The following WDR64 variants were observed in gnomAD, a reference collection of about 807,000 sequenced individuals.
WDR64 encodes WD repeat domain 64.
WDR64 carries 112 observed loss-of-function variants against 139.3 expected under a neutral mutation model. The ratio of observed to expected loss-of-function variants is 0.80; its 90% CI spans 0.69 to 0.94. The LOEUF is 0.94. Ranked by LOEUF, WDR64 falls within the 40% of genes least tolerant of loss-of-function variation. The probability of loss-of-function intolerance (pLI) is 0.00; values close to 1 mark genes in which losing one functional copy is unlikely to be tolerated. For missense variants in WDR64, 1,206 were observed against 1,293.1 expected, an observed-to-expected ratio of 0.93 and a Z score of 1.03; for synonymous variants, 444 against 437.7, an observed-to-expected ratio of 1.01 and a Z score of -0.18.
chr1:241,716,876 G>T (rs866662552), intron 9 of WDR64, among the ~76,000 whole-genome samples: 3 of 152,128 alleles, frequency 2.0e-5, no homozygotes, highest in African/African-American at 7.2e-5. Flanking sequence ...AACGAATAAC[G>T]GACAAAGCCA....
chr1:241,785,385 G>A (rs537334441), intron 23 of WDR64, among the ~76,000 whole-genome samples: 1 of 152,266 alleles, frequency 6.6e-6, no homozygotes, highest in African/African-American at 2.4e-5. Flanking sequence ...CTTACATGGT[G>A]AAAGAGGCAA....
intron 27 of WDR64, 66 bp downstream of exon 27, chr1:241,796,436 A>T: frequency 4.6e-6 from 5 of 1,078,412 alleles, no homozygotes; most frequent in Admixed American, 2.1e-5. Context: ...TTGTTTTTTT[A>T]AAAATATGTC....
At position 241,693,208 on chromosome 1, in the gene WDR64, A is replaced by T. The variant is rs181030824; in HGVS notation, c.974+5613A>T. 3.5e-3 allele frequency among the ~76,000 whole-genome samples: 537 copies of T among 152,368 alleles called. 5 individuals carry two copies. The highest frequency in any genetic ancestry group is 0.012 in the African/African-American group (498 of 41,596). ...GGATACACAGACTCTGGTAATCCAGATGATGGAATATTAGTCAGTGCTAAA... is the reference window on the plus strand; with the variant it reads ...GGATACACAGACTCTGGTAATCCAGTTGATGGAATATTAGTCAGTGCTAAA... On this transcript the variant is annotated intron_variant, in intron 8 of 27. Coordinates refer to ENST00000437684, the MANE Select transcript of WDR64 (RefSeq NM_001367482.1).
intron 17 of WDR64, 44 bp downstream of exon 17, chr1:241,769,549 G>C (rs1324662794): frequency 6.7e-7 from 1 of 1,495,932 alleles, no homozygotes; most frequent in African/African-American, 1.4e-5. Flanking sequence ...CTGGGACTTA[G>C]GTGGCTGATA....
chr1:241,712,095 A>G (rs1322990629), intron 9 of WDR64, among the ~76,000 whole-genome samples: 1 of 152,172 alleles, frequency 6.6e-6, no homozygotes, highest in African/African-American at 2.4e-5. Context: ...CCTGTATTTT[A>G]CTAGAATTTG....
intron 2 of WDR64, among the ~76,000 whole-genome samples, chr1:241,663,905 A>G (rs1665928129): frequency 6.6e-6 from 1 of 152,244 alleles, no homozygotes; most frequent in Non-Finnish European, 1.5e-5. Flanking sequence ...CTGCAGATGG[A>G]ATCATAGCTA....
At chr1:241,749,217 G>T (rs1574066990) in intron 13 of WDR64, among the ~76,000 whole-genome samples, 1 of 152,204 alleles carries the variant, frequency 6.6e-6, no homozygotes, top group South Asian at 2.1e-4. Context: ...TCGGGACTGG[G>T]TGTTTAGCAC....
In WDR64 at chr1:241,770,610, T is replaced by C; in HGVS notation, c.2184-11T>C. ...AAGTTTTACCTGTGGGCTTCCCCAC[T>C]CCCCTTATAGGAGATCAAGTCAGGA... On this transcript the variant is annotated splice_polypyrimidine_tract_variant and intron_variant, in intron 17 of 27. Transcript: ENST00000437684. The C allele has an allele frequency of 1.3e-6, 2 of 1,548,886 alleles. No individual in the cohort carries two copies. The highest frequency in any genetic ancestry group is 1.2e-5 in the South Asian group (1 of 83,492).
intron 4 of WDR64, chr1:241,676,542 G>A (rs921953986): frequency 2.6e-5 from 4 of 152,086 alleles, no homozygotes; most frequent in Non-Finnish European, 5.9e-5. Flanking sequence ...ATAGGAGAAG[G>A]AAAATAATTA....
At chr1:241,688,924 G>T (rs568339168) in intron 8 of WDR64, among the ~76,000 whole-genome samples, 30 of 152,218 alleles carry the variant, frequency 2.0e-4, no homozygotes, top group Non-Finnish European at 2.4e-4. Context: ...GAAGGAAAAG[G>T]CACCATTTTG....
intron 23 of WDR64, among the ~76,000 whole-genome samples, chr1:241,784,027 A>T (rs1050107004): frequency 6.6e-6 from 1 of 152,240 alleles, no homozygotes; most frequent in Non-Finnish European, 1.5e-5. Flanking sequence ...TTTGAAGTAT[A>T]TTAGGGAATT....
At chr1:241,792,633 C>T (rs1332421639) in intron 25 of WDR64, among the ~76,000 whole-genome samples, 2 of 152,104 alleles carry the variant, frequency 1.3e-5, no homozygotes, top group South Asian at 2.1e-4. Context: ...AAAAAAGAGA[C>T]GATTCCACAA....
chr1:241,692,769 C>G (rs1231736498), intron 8 of WDR64, among the ~76,000 whole-genome samples: 2 of 152,050 alleles, frequency 1.3e-5, no homozygotes, highest in Admixed American at 6.6e-5. Context: ...AACAAAAGAT[C>G]TGAATAAATA....
At chr1:241,770,751 T>C in intron 18 of WDR64, 61 bp downstream of exon 18, 1 of 1,479,520 alleles carries the variant, frequency 6.8e-7, no homozygotes, top group Non-Finnish European at 9.2e-7. Flanking sequence ...TCAAAAATAG[T>C]GCTATTGAGC....
chr1:241,701,085 A>T (rs1204922284), intron 8 of WDR64, among the ~76,000 whole-genome samples: 2 of 152,218 alleles, frequency 1.3e-5, no homozygotes, highest in Non-Finnish European at 2.9e-5. Context: ...ATATTTTTTT[A>T]TATAAAGACT....
chr1:241,796,901 A>C (rs1244704158), intron 27 of WDR64, among the ~76,000 whole-genome samples: 3 of 152,192 alleles, frequency 2.0e-5, no homozygotes, highest in African/African-American at 7.2e-5. Flanking sequence ...TAAGATCAAT[A>C]AGCCTGAGCT....
rs760577185 is a variant in WDR64 at position 241,679,482 on chromosome 1, C to T, written c.514-3C>T. ...ATCCCCCAATTCTCTGCTTTTCTAT[C>T]AGGACACCTCCTGGATTACAGGGTG... On this transcript the variant is annotated splice_region_variant and splice_polypyrimidine_tract_variant and intron_variant, in intron 5 of 27. Coordinates refer to ENST00000437684, the MANE Select transcript of WDR64 (RefSeq NM_001367482.1). The T allele has an allele frequency of 1.3e-5, 20 of 1,551,424 alleles. No homozygotes were observed. Among genetic ancestry groups the T allele is most frequent in the East Asian group, 9.8e-5 (4 of 40,910 alleles).
At chr1:241,707,314 C>A (rs1250817241) in intron 8 of WDR64, among the ~76,000 whole-genome samples, 1 of 152,190 alleles carries the variant, frequency 6.6e-6, no homozygotes, top group African/African-American at 2.4e-5. Flanking sequence ...GGCTTTGCTG[C>A]CCCTGGCAAC....
chr1:241,652,669 T>C lies in WDR64; in HGVS notation c.145+40T>C, dbSNP rs141135810. 9.0e-5 allele frequency: 139 copies of C among 1,543,310 alleles called. No homozygotes were observed. The African/African-American group carries it at 1.1e-3, about 12-fold the overall frequency. On this transcript the variant is annotated intron_variant, in intron 1 of 27. Coordinates refer to ENST00000437684, the MANE Select transcript of WDR64 (RefSeq NM_001367482.1). ...TACACGATAGTCCAATTGGGTCTGTTGGTTAGAACTGGAAAATGTTTTAAG... is the reference window on the plus strand; with the variant it reads ...TACACGATAGTCCAATTGGGTCTGTCGGTTAGAACTGGAAAATGTTTTAAG...
Sources: gnomAD v4.1 joint callset for allele counts (sites outside exome capture counted in the v4.1 genomes callset) on GRCh38, gnomAD v4.1.1 for gene constraint, MANE v1.5 for transcripts, NCBI Gene and HGNC (gene_info 2026-07-23, HGNC 2026-07-21) for gene names.